SCTR: variants seen among roughly 807,000 people sequenced by gnomAD.
SCTR encodes secretin receptor.
Under a neutral mutation model 60.8 loss-of-function variants are expected in SCTR, and 56 were observed. That is an observed-to-expected ratio of 0.92 (90% confidence interval 0.74 to 1.15). SCTR has a LOEUF of 1.15. Ranked by LOEUF, SCTR falls within the 50% of genes most tolerant of loss-of-function variation. The pLI is 0.00. For synonymous variants in SCTR, 202 were observed against 217.0 expected, an observed-to-expected ratio of 0.93 and a Z score of 0.61; for missense variants, 562 against 550.4, an observed-to-expected ratio of 1.02 and a Z score of -0.21.
chr2:119,490,158 T>C (rs1290299865), intron 2 of SCTR, among the ~76,000 whole-genome samples: 1 of 152,122 alleles, frequency 6.6e-6, no homozygotes, highest in African/African-American at 2.4e-5. Context: ...CATAAGACCA[T>C]GGTCTAGCTC....
intron 7 of SCTR, 89 bp downstream of exon 7, chr2:119,461,758 A>T: frequency 1.2e-6 from 1 of 809,390 alleles, no homozygotes; most frequent in Non-Finnish European, 1.9e-6. Flanking sequence ...TTAAGTGTGG[A>T]GCTGGAACTA....
chr2:119,496,747 G>T (rs1678363692), intron 1 of SCTR, among the ~76,000 whole-genome samples: 1 of 152,144 alleles, frequency 6.6e-6, no homozygotes, highest in Non-Finnish European at 1.5e-5. Context: ...ACCAGGAAAG[G>T]GGCATCTAGC....
chr2:119,497,680 A>G (rs530225975), intron 1 of SCTR, among the ~76,000 whole-genome samples: 3 of 152,094 alleles, frequency 2.0e-5, no homozygotes, highest in Non-Finnish European at 4.4e-5. Flanking sequence ...AGAAGAATCA[A>G]ATGGAAATTT....
chr2:119,509,593 C>T (rs921101707), intron 1 of SCTR, among the ~76,000 whole-genome samples: 65 of 152,158 alleles, frequency 4.3e-4, no homozygotes, highest in African/African-American at 1.4e-3. Flanking sequence ...ATAGAAACAG[C>T]AACAATGGAG....
intron 4 of SCTR, among the ~76,000 whole-genome samples, chr2:119,467,195 G>A (rs1454940792): frequency 2.0e-5 from 3 of 151,800 alleles, no homozygotes; most frequent in Non-Finnish European, 1.5e-5. Context: ...CCTGGACAAC[G>A]TGGAGAAACC....
At chr2:119,462,373 G>C (rs1683646956) in intron 6 of SCTR, among the ~76,000 whole-genome samples, 1 of 152,174 alleles carries the variant, frequency 6.6e-6, no homozygotes, top group Non-Finnish European at 1.5e-5. Context: ...GGCCTAGAAA[G>C]GGAAGAGATT....
At chr2:119,512,983 G>A (rs965930039) in intron 1 of SCTR, among the ~76,000 whole-genome samples, 2 of 152,154 alleles carry the variant, frequency 1.3e-5, no homozygotes, top group Admixed American at 6.5e-5. Flanking sequence ...CTCAATGTAC[G>A]ATCTAAGCTT....
At chr2:119,476,239 G>A (rs1452538743) in intron 3 of SCTR, among the ~76,000 whole-genome samples, 1 of 152,206 alleles carries the variant, frequency 6.6e-6, no homozygotes, top group East Asian at 1.9e-4. Context: ...CTATGGGGAT[G>A]AAGGAGGGGT....
chr2:119,471,850 T>C (rs766605094), intron 4 of SCTR, among the ~76,000 whole-genome samples: 1 of 152,208 alleles, frequency 6.6e-6, no homozygotes, highest in African/African-American at 2.4e-5. Flanking sequence ...TTTACAAGCA[T>C]GTTCCTTAAT....
intron 12 of SCTR, 97 bp downstream of exon 12, chr2:119,441,461 T>A: frequency 1.0e-6 from 1 of 954,168 alleles, no homozygotes. Flanking sequence ...ACCCTTTCCA[T>A]CCCCCTTCCT....
At chr2:119,512,795 ACT>A in intron 1 of SCTR, among the ~76,000 whole-genome samples, 1 of 152,278 alleles carries the variant, frequency 6.6e-6, no homozygotes, top group South Asian at 2.1e-4. Flanking sequence ...ATCCTTTCTT[ACT>A]CTGAGATGAT....
At chr2:119,521,081 G>A (rs1207334506) in intron 1 of SCTR, among the ~76,000 whole-genome samples, 3 of 152,328 alleles carry the variant, frequency 2.0e-5, no homozygotes, top group Admixed American at 6.5e-5. Flanking sequence ...TCTCAGAAGA[G>A]AGAATTATCT....
intron 1 of SCTR, among the ~76,000 whole-genome samples, chr2:119,495,786 A>G (rs953751590): frequency 2.0e-5 from 3 of 152,276 alleles, no homozygotes; most frequent in Non-Finnish European, 4.4e-5. Context: ...TATGTTCCCC[A>G]TGAAAAACAC....
At chr2:119,494,293 A>T in intron 2 of SCTR, 135 bp downstream of exon 2, 1 of 957,758 alleles carries the variant, frequency 1.0e-6, no homozygotes, top group South Asian at 1.7e-5. Flanking sequence ...CTGCCCCACC[A>T]GCTGATTGTC....
chr2:119,524,103 C>T lies in SCTR; in HGVS notation c.72+52G>A, dbSNP rs889943559. The stretch of plus-strand genomic sequence containing the variant: ...ATCCTGCCCGAGGCCGGAGAAAGGG[C>T]GAGACTGTCGCTCCCTCGGGTCCCC... On this transcript the variant is annotated intron_variant, in intron 1 of 12. Coordinates refer to ENST00000019103, the MANE Select transcript of SCTR (RefSeq NM_002980.3). 5.6e-6 allele frequency: 8 copies of T among 1,441,180 alleles called. No homozygotes were observed. The Admixed American group carries it at 1.2e-4, about 21-fold the overall frequency. The allele number at this position is 1,441,180 out of a possible 1,614,324, so 89.3% of individuals were successfully genotyped here.
chr2:119,449,507 C>G (rs906336744), intron 9 of SCTR, among the ~76,000 whole-genome samples: 8 of 152,208 alleles, frequency 5.3e-5, no homozygotes, highest in Admixed American at 2.0e-4. Flanking sequence ...TAGTTATCTG[C>G]CAATTCAATT....
At chr2:119,498,917 C>G (rs1325583662) in intron 1 of SCTR, among the ~76,000 whole-genome samples, 2 of 151,924 alleles carry the variant, frequency 1.3e-5, no homozygotes, top group African/African-American at 4.8e-5. Context: ...TCTAAACACA[C>G]CAATTTTAAA....
At chr2:119,454,753 C>T (rs1410512542) in intron 7 of SCTR, among the ~76,000 whole-genome samples, 1 of 151,710 alleles carries the variant, frequency 6.6e-6, no homozygotes, top group Non-Finnish European at 1.5e-5. Flanking sequence ...ACTCGGGAGG[C>T]TGAGGTGGGA....
intron 6 of SCTR, among the ~76,000 whole-genome samples, chr2:119,463,062 TAC>T (rs35496213): frequency 8.5e-4 from 126 of 147,816 alleles, no homozygotes; most frequent in Middle Eastern, 6.9e-3. Context: ...AGTCAGAAAA[TAC>T]ACACACACAC....
Sources: gnomAD v4.1 joint callset for allele counts (sites outside exome capture counted in the v4.1 genomes callset) on GRCh38, gnomAD v4.1.1 for gene constraint, MANE v1.5 for transcripts, NCBI Gene and HGNC (gene_info 2026-07-23, HGNC 2026-07-21) for gene names.